The following SBF2 variants were observed in gnomAD, a reference collection of about 807,000 sequenced individuals.
The protein encoded by SBF2 is myotubularin-related protein 13.
SBF2 carries 112 observed loss-of-function variants against 225.2 expected under a neutral mutation model. The observed-to-expected ratio is 0.50, with a 90% CI of 0.43 to 0.58. SBF2 has a LOEUF of 0.58. Ranked by LOEUF, SBF2 falls within the 20% of genes least tolerant of loss-of-function variation. The pLI, the probability that SBF2 is intolerant of heterozygous loss-of-function variation, is 0.00. For missense variants in SBF2, 1,996 were observed against 2,206.2 expected (o/e 0.90, Z 1.91); for synonymous variants, 763 against 773.3 (o/e 0.99, Z 0.22).
chr11:9,910,112 G>C (rs1407810408), intron 16 of SBF2, among the ~76,000 whole-genome samples: 1 of 152,134 alleles, frequency 6.6e-6, no homozygotes, highest in Non-Finnish European at 1.5e-5. Context: ...CACAGTCACC[G>C]AGAAAAAGAC....
intron 2 of SBF2, among the ~76,000 whole-genome samples, chr11:10,164,132 T>A (rs1456720962): frequency 6.6e-6 from 1 of 152,156 alleles, no homozygotes; most frequent in Non-Finnish European, 1.5e-5. Flanking sequence ...AAATACTCCA[T>A]TCCCACTCAT....
intron 2 of SBF2, among the ~76,000 whole-genome samples, chr11:10,066,445 G>T (rs1950627122): frequency 6.6e-6 from 1 of 151,978 alleles, no homozygotes; most frequent in Non-Finnish European, 1.5e-5. Context: ...ATACAGGGTT[G>T]ATTTACATTT....
At chr11:9,957,897 T>C (rs1335218988) in intron 16 of SBF2, 1 of 151,716 alleles carries the variant, frequency 6.6e-6, no homozygotes, top group Non-Finnish European at 1.5e-5. Context: ...AGGAGAGCAT[T>C]TCACCCCAAG....
At chr11:10,054,490 CTTTA>C (rs1389159222) in intron 2 of SBF2, among the ~76,000 whole-genome samples, 1 of 152,084 alleles carries the variant, frequency 6.6e-6, no homozygotes, top group East Asian at 1.9e-4. Flanking sequence ...CAGATTAAGG[CTTTA>C]CATTTAAAAA....
intron 13 of SBF2, among the ~76,000 whole-genome samples, chr11:9,974,944 C>G (rs530361911): frequency 7.5e-5 from 7 of 93,684 alleles, no homozygotes; most frequent in African/African-American, 3.0e-4. Context: ...TGGGCAACAA[C>G]AGCGAAACTT....
intron 13 of SBF2, among the ~76,000 whole-genome samples, chr11:9,985,701 T>C (rs1947172158): frequency 6.6e-6 from 1 of 152,174 alleles, no homozygotes; most frequent in African/African-American, 2.4e-5. Context: ...CAGTATATAA[T>C]GGTAAAAGGC....
Position 9,817,765 on chromosome 11 carries a change from AAAC to A in SBF2, c.3794-744_3794-742del, listed in dbSNP as rs199930751. ...ACCAAAAAAAAAAAAAAAAAAAAAA[AAAC>A]TACAAAAAGACACCTGTATTGGGAG... is the stretch of plus-strand genomic sequence containing the variant. On this transcript the variant is annotated intron_variant, in intron 28 of 39. Transcript: ENST00000256190. Among the ~76,000 whole-genome samples the A allele has an allele frequency of 3.6e-3, 518 of 144,110 alleles. 3 individuals are homozygous for A. Among genetic ancestry groups the A allele is most frequent in the African/African-American group, 0.011 (398 of 37,732 alleles). 94.5% of individuals were successfully genotyped at this position (144,110 alleles called of 152,430 possible). A position where few individuals can be genotyped will look rare whatever the true frequency, so the allele number is the denominator to read the frequency against.
At chr11:10,094,059 G>A (rs1457657439) in intron 2 of SBF2, among the ~76,000 whole-genome samples, 6 of 152,162 alleles carry the variant, frequency 3.9e-5, no homozygotes, top group African/African-American at 7.2e-5. Context: ...GGCCGGGTGC[G>A]GTGGCTCACG....
At chr11:10,103,532 T>C (rs1013536092) in intron 2 of SBF2, among the ~76,000 whole-genome samples, 3 of 152,212 alleles carry the variant, frequency 2.0e-5, no homozygotes, top group Admixed American at 6.5e-5. Flanking sequence ...ACAAATTTCC[T>C]TGTCAATTTT....
chr11:9,807,085 G>C (rs543102412), intron 32 of SBF2, among the ~76,000 whole-genome samples: 7 of 152,320 alleles, frequency 4.6e-5, no homozygotes, highest in Admixed American at 1.3e-4. Flanking sequence ...AGGCCAGTGT[G>C]TTTCAAAGAG....
chr11:10,134,367 G>GC (rs940843214), intron 2 of SBF2, among the ~76,000 whole-genome samples: 3 of 151,142 alleles, frequency 2.0e-5, no homozygotes, highest in Admixed American at 6.6e-5. Flanking sequence ...TTCTGCCCTG[G>GC]CCCCCCCCAA....
intron 17 of SBF2, among the ~76,000 whole-genome samples, chr11:9,864,633 C>T (rs552362036): frequency 9.9e-5 from 15 of 152,224 alleles, no homozygotes; most frequent in African/African-American, 1.4e-4. Context: ...GTGATCCTCC[C>T]GCCTCGGCCA....
At chr11:10,036,490 C>T (rs558385572) in intron 3 of SBF2, among the ~76,000 whole-genome samples, 2 of 152,164 alleles carry the variant, frequency 1.3e-5, no homozygotes, top group South Asian at 2.1e-4. Context: ...AGTATATCTG[C>T]TATGAACAAT....
At chr11:10,287,826 C>T (rs1307972854) in intron 1 of SBF2, among the ~76,000 whole-genome samples, 4 of 152,250 alleles carry the variant, frequency 2.6e-5, no homozygotes, top group African/African-American at 7.2e-5. Context: ...ACTCAGCTCA[C>T]GCTACCAGCC....
intron 18 of SBF2, 100 bp downstream of exon 18, chr11:9,858,126 G>T: frequency 7.6e-7 from 1 of 1,313,564 alleles, no homozygotes; most frequent in Non-Finnish European, 1.1e-6. Flanking sequence ...AAATACACTG[G>T]CAGGAAGTAG....
At chr11:10,091,399 C>T (rs751298534) in intron 2 of SBF2, among the ~76,000 whole-genome samples, 52 of 152,152 alleles carry the variant, frequency 3.4e-4, no homozygotes, top group Non-Finnish European at 5.6e-4. Context: ...ATGTCATTTG[C>T]TGTACTCTAC....
intron 2 of SBF2, among the ~76,000 whole-genome samples, chr11:10,122,404 G>T (rs1953509593): frequency 6.6e-6 from 1 of 152,122 alleles, no homozygotes; most frequent in Non-Finnish European, 1.5e-5. Flanking sequence ...GCTAAGTGGG[G>T]ACTAATATAT....
intron 32 of SBF2, among the ~76,000 whole-genome samples, chr11:9,798,819 G>T (rs530927936): frequency 6.6e-6 from 1 of 151,946 alleles, no homozygotes; most frequent in African/African-American, 2.4e-5. Flanking sequence ...GGGCGTGGTG[G>T]CGGGCGCCTG....
chr11:9,897,234 T>C (rs892607057), intron 16 of SBF2, among the ~76,000 whole-genome samples: 2 of 151,044 alleles, frequency 1.3e-5, no homozygotes, highest in African/African-American at 4.9e-5. Context: ...ATGGACATTA[T>C]GTTAGATAAT....
Sources: allele counts gnomAD v4.1 joint callset (sites outside exome capture counted in the v4.1 genomes callset), GRCh38; gene constraint gnomAD v4.1.1; transcripts MANE v1.5; gene names NCBI Gene and HGNC (gene_info 2026-07-23, HGNC 2026-07-21).